UBE2S: variants seen among roughly 807,000 people sequenced by gnomAD.
UBE2S encodes ubiquitin conjugating enzyme E2 S.
UBE2S carries 3 observed loss-of-function variants against 12.3 expected under a neutral mutation model. The ratio of observed to expected loss-of-function variants is 0.24; its 90% CI spans 0.11 to 0.63. The LOEUF (loss-of-function observed/expected upper bound fraction) is 0.63. Ranked by LOEUF, UBE2S falls within the 30% of genes least tolerant of loss-of-function variation. The pLI, the probability that UBE2S is intolerant of heterozygous loss-of-function variation, is 0.85. For synonymous variants in UBE2S, 133 were observed against 142.0 expected (o/e 0.94, Z 0.45); for missense variants, 211 against 313.9 (o/e 0.67, Z 2.48).
intron 2 of UBE2S, among the ~76,000 whole-genome samples, chr19:55,406,286 A>T (rs2090095707): frequency 6.6e-6 from 1 of 152,162 alleles, no homozygotes; most frequent in Non-Finnish European, 1.5e-5. Context: ...GCTCTGCTCA[A>T]ATCCTGACTT....
At chr19:55,406,987 T>C in intron 1 of UBE2S, 25 bp from the exon 2 acceptor site, 4 of 1,610,342 alleles carry the variant, frequency 2.5e-6, no homozygotes, top group Non-Finnish European at 3.4e-6. Flanking sequence ...GAGAGCAGGG[T>C]GAGCGAGTGT....
At chr19:55,402,192 GAGAGA>G (rs1205760799) in intron 3 of UBE2S, among the ~76,000 whole-genome samples, 1 of 152,196 alleles carries the variant, frequency 6.6e-6, no homozygotes, top group Non-Finnish European at 1.5e-5. Context: ...AGCCTGGACA[GAGAGA>G]AGAGACTTCC....
At position 55,404,420 on chromosome 19, in the gene UBE2S, G is replaced by A. The variant is rs1326925509; in HGVS notation, c.210C>T (p.Phe70=). ...FRMKLLLGKD[F]PASPPKGYFL... ...AGTAGCCCTTGGGTGGGGAGGCAGG[G>A]AAGTCCTTCCCCAGCAGGAGTTTCA... Residue 70 remains phenylalanine (F), a synonymous_variant, in exon 3 of 4, where the codon TTC becomes TTT. Coordinates refer to ENST00000264552, the MANE Select transcript of UBE2S (RefSeq NM_014501.3). This position sits in a 1 kb window ranked among gnomAD's most constrained non-coding sequence, Gnocchi z 4.4. 1 of 1,613,386 alleles carries A rather than the reference G, an allele frequency of 6.2e-7. No homozygotes were observed. Among genetic ancestry groups the A allele is most frequent in the East Asian group, 2.2e-5 (1 of 44,860 alleles).
Position 55,404,391 on chromosome 19 carries a change from A to G in UBE2S, c.239T>C (p.Leu80Pro). The change falls in exon 3 of 4, where the codon CTG becomes CCG. Residue 80 changes from leucine (L) to proline (P), a missense_variant. This residue lies in a region of UBE2S where 127 missense variants were observed against 224.0 expected (regional missense o/e 0.57). Coordinates refer to ENST00000264552, the MANE Select transcript of UBE2S (RefSeq NM_014501.3). This position sits in a 1 kb window ranked among gnomAD's most constrained non-coding sequence, Gnocchi z 4.4. ...FPASPPKGYF[L>P]TKIFHPNVGA... ...CACGTTCGGGTGGAAGATCTTGGTC[A>G]GGAAGTAGCCCTTGGGTGGGGAGGC... 6.2e-7 allele frequency: 1 copy of G among 1,613,928 alleles called. No homozygotes were observed. The highest frequency in any genetic ancestry group is 8.5e-7 in the Non-Finnish European group (1 of 1,179,826).
At chr19:55,402,606 T>G (rs1303246167) in intron 3 of UBE2S, among the ~76,000 whole-genome samples, 1 of 152,168 alleles carries the variant, frequency 6.6e-6, no homozygotes, top group Non-Finnish European at 1.5e-5. Context: ...TCAGCAGATA[T>G]CACTGATGGT....
chr19:55,406,742 C>T (rs573836672), intron 2 of UBE2S, 73 bp downstream of exon 2: 7 of 1,543,934 alleles, frequency 4.5e-6, no homozygotes, highest in South Asian at 2.5e-5. Context: ...GGGTACTTCC[C>T]GCTAGGGTGA....
intron 3 of UBE2S, among the ~76,000 whole-genome samples, chr19:55,402,596 T>G (rs566911562): frequency 1.6e-4 from 25 of 152,294 alleles, no homozygotes; most frequent in African/African-American, 5.5e-4. Flanking sequence ...CAGCAGATGC[T>G]CAGCAGATAT....
At chr19:55,405,166 C>T (rs981367640) in intron 2 of UBE2S, among the ~76,000 whole-genome samples, 23 of 145,828 alleles carry the variant, frequency 1.6e-4, no homozygotes, top group Non-Finnish European at 3.1e-4. Flanking sequence ...GCGGAGATCG[C>T]GCCACTGCAC....
intron 3 of UBE2S, chr19:55,402,829 T>C (rs575295020): frequency 5.8e-4 from 497 of 858,998 alleles, no homozygotes; most frequent in Non-Finnish European, 8.3e-4. Flanking sequence ...GGGGTCTGTT[T>C]ACCTTGGAGC....
Position 55,404,654 on chromosome 19 carries a change from C to G in UBE2S, c.152-176G>C, listed in dbSNP as rs2090084960. On this transcript the variant is annotated intron_variant, in intron 2 of 3. Transcript: ENST00000264552. This position sits in a 1 kb window ranked among gnomAD's most constrained non-coding sequence, Gnocchi z 4.4. ...TTGAAATAAGGTCTCTTGTGTCACC[C>G]AGGCTGGAGTGCAGTGGCACAATCT... Among the ~76,000 whole-genome samples, 1 of 152,186 alleles carries G rather than the reference C, an allele frequency of 6.6e-6. No homozygotes were observed. The highest frequency in any genetic ancestry group is 1.5e-5 in the Non-Finnish European group (1 of 68,038).
intron 2 of UBE2S, among the ~76,000 whole-genome samples, chr19:55,406,333 A>G (rs1468351590): frequency 6.6e-6 from 1 of 152,232 alleles, no homozygotes; most frequent in Non-Finnish European, 1.5e-5. Flanking sequence ...TGTAGCCTGC[A>G]TGAAACAGTA....
rs1414982320 is a variant in UBE2S, at chr19:55,400,520, G to A, written c.*916C>T. ...TATCTGGATGGGCCTGACCTAATCC[G>A]GTGAGCACCTCAAAGGGAATGGGCC... On this transcript the variant is annotated 3_prime_UTR_variant, in exon 4 of 4. Transcript: ENST00000264552. 3.9e-5 allele frequency: 6 copies of A among 152,162 alleles called. No individual in the cohort carries two copies. The highest frequency in any genetic ancestry group is 9.7e-5 in the African/African-American group (4 of 41,420). The allele number at this position is 152,162 out of a possible 1,614,324, so 9.4% of individuals were successfully genotyped here.
At chr19:55,405,797 C>T (rs886501491) in intron 2 of UBE2S, among the ~76,000 whole-genome samples, 2 of 152,158 alleles carry the variant, frequency 1.3e-5, no homozygotes, top group African/African-American at 2.4e-5. Context: ...ACCCAGTGAA[C>T]GCCTCTCCCA....
chr19:55,402,668 G>A (rs1192966061), intron 3 of UBE2S, among the ~76,000 whole-genome samples: 2 of 152,202 alleles, frequency 1.3e-5, no homozygotes, highest in African/African-American at 4.8e-5. Context: ...CCAAACTGCA[G>A]GTCTGGCTGC....
In UBE2S at chr19:55,402,700, T is replaced by C. The variant is rs78092505; in HGVS notation, c.343-938A>G. 2.6e-5 allele frequency among the ~76,000 whole-genome samples: 4 copies of C among 152,274 alleles called. No individual in the cohort carries two copies. In the East Asian group the frequency reaches 7.7e-4, roughly 29 times the overall value. ...CTGCTCTTCTTGCTGGCTGAGCCCC[T>C]GACAGGCCCAGATGCTGACCTAGCA... On this transcript the variant is annotated intron_variant, in intron 3 of 3. Transcript: ENST00000264552.
rs2090060796 is a variant in UBE2S at position 55,401,761 on chromosome 19, G to A, written c.344C>T (p.Thr115Ile). ...AELGIRHVLL[T>I]IKCLLIHPNP... Reference sequence around the variant, plus strand: ...AGGGTGGATCAGCAGGCACTTGATGGTCTGTGGGAAGAGGCTCAGGGTCAC... The same window carrying A: ...AGGGTGGATCAGCAGGCACTTGATGATCTGTGGGAAGAGGCTCAGGGTCAC... The change falls in exon 4 of 4, where the codon ACC (threonine) becomes ATC (isoleucine). Residue 115 changes from threonine (T) to isoleucine (I), a missense_variant and splice_region_variant. Around this residue, in one of 2 missense-constraint regions of UBE2S, gnomAD observed 127 missense variants for 224.0 expected, o/e 0.57. Transcript: ENST00000264552. 3 of 1,613,176 alleles carry A rather than the reference G, an allele frequency of 1.9e-6. No homozygotes were observed. Among genetic ancestry groups the A allele is most frequent in the Non-Finnish European group, 2.5e-6 (3 of 1,180,024 alleles).
chr19:55,406,770 G>A, intron 2 of UBE2S, 45 bp downstream of exon 2: 4 of 1,582,092 alleles, frequency 2.5e-6, no homozygotes, highest in Non-Finnish European at 3.4e-6. Context: ...CAGGGTGATG[G>A]AGGATCTAAG....
At position 55,404,362 on chromosome 19, in the gene UBE2S, C is replaced by T. The variant is rs765011011; in HGVS notation, c.268G>A (p.Ala90Thr). ...ACGTTGACGCAGATCTCGCCATTGG[C>T]GCCCACGTTCGGGTGGAAGATCTTG... Reference protein sequence around the residue: ...LTKIFHPNVGANGEICVNVLK... With the variant: ...LTKIFHPNVGTNGEICVNVLK... Residue 90 changes from alanine to threonine, a missense_variant, in exon 3 of 4, where the codon GCC (alanine) becomes ACC (threonine). Around this residue, in one of 2 missense-constraint regions of UBE2S, gnomAD observed 127 missense variants for 224.0 expected, o/e 0.57. Transcript: ENST00000264552. This position sits in a 1 kb window ranked among gnomAD's most constrained non-coding sequence, Gnocchi z 4.4. The T allele has an allele frequency of 1.1e-5, 18 of 1,613,786 alleles. No homozygotes were observed. Among genetic ancestry groups the T allele is most frequent in the East Asian group, 8.9e-5 (4 of 44,880 alleles).
In UBE2S at chr19:55,402,941, A is replaced by T. The variant is rs1299668112; in HGVS notation, c.343-1179T>A. On this transcript the variant is annotated intron_variant, in intron 3 of 3. Coordinates refer to ENST00000264552, the MANE Select transcript of UBE2S (RefSeq NM_014501.3). ...AATTTGGTTAACTTTTTTTTTTTTC[A>T]GCTTGCGGGAAGGGTTGGGAGGCAG... 5 of 1,510,068 alleles carry T rather than the reference A, an allele frequency of 3.3e-6. No homozygotes were observed. The Admixed American group carries it at 6.8e-5, about 20-fold the overall frequency. The allele number at this position is 1,510,068 out of a possible 1,614,324, so 93.5% of individuals were successfully genotyped here.
Sources: allele counts gnomAD v4.1 joint callset (sites outside exome capture counted in the v4.1 genomes callset), GRCh38; gene constraint gnomAD v4.1.1; regional missense constraint gnomAD v4.1.1; non-coding constraint Gnocchi (gnomAD v3.1); transcripts MANE v1.5; gene names NCBI Gene and HGNC (gene_info 2026-07-23, HGNC 2026-07-21).